The following MGMT variants were observed in gnomAD, a reference collection of about 807,000 sequenced individuals.
The protein encoded by MGMT is methylated-DNA--protein-cysteine methyltransferase.
In MGMT, 14 loss-of-function variants were observed where a neutral mutation model predicts 15.9. The observed-to-expected ratio is 0.88, with a 90% CI of 0.58 to 1.37. The LOEUF (loss-of-function observed/expected upper bound fraction) is 1.37. MGMT is among the 40% of genes most tolerant of loss of function. The pLI, the probability that MGMT is intolerant of heterozygous loss-of-function variation, is 0.00. For missense variants in MGMT, 282 were observed against 268.1 expected, an observed-to-expected ratio of 1.05 and a Z score of -0.36; for synonymous variants, 130 against 118.2, an observed-to-expected ratio of 1.10 and a Z score of -0.65.
chr10:129,549,790 G>A (rs1364527599), intron 2 of MGMT, among the ~76,000 whole-genome samples: 1 of 152,158 alleles, frequency 6.6e-6, no homozygotes, highest in Non-Finnish European at 1.5e-5. Context: ...ATTTTAAAGG[G>A]CGTCTGCTGC....
At chr10:129,629,808 A>C (rs1847190407) in intron 2 of MGMT, among the ~76,000 whole-genome samples, 1 of 152,224 alleles carries the variant, frequency 6.6e-6, no homozygotes, top group Non-Finnish European at 1.5e-5. Context: ...AGGTATGGCA[A>C]GCTGGGTGGA....
At chr10:129,591,110 G>T (rs750940773) in intron 2 of MGMT, among the ~76,000 whole-genome samples, 1 of 152,174 alleles carries the variant, frequency 6.6e-6, no homozygotes, top group Non-Finnish European at 1.5e-5. Flanking sequence ...TCCTGGGGGC[G>T]CAGCGTGGTC....
chr10:129,520,495 C>T (rs1460862187), intron 1 of MGMT, among the ~76,000 whole-genome samples: 1 of 151,842 alleles, frequency 6.6e-6, no homozygotes, highest in African/African-American at 2.4e-5. Context: ...GGTGCAGGTG[C>T]AGAGCCCCTA....
intron 2 of MGMT, among the ~76,000 whole-genome samples, chr10:129,551,423 G>T (rs1323463628): frequency 6.6e-5 from 10 of 152,092 alleles, no homozygotes; most frequent in Non-Finnish European, 1.5e-5. Context: ...GATAGGTGGG[G>T]CAGAGGGAGG....
At chr10:129,695,049 G>A (rs1044093658) in intron 2 of MGMT, among the ~76,000 whole-genome samples, 1 of 152,164 alleles carries the variant, frequency 6.6e-6, no homozygotes, top group African/African-American at 2.4e-5. Context: ...TGTTTTAAGA[G>A]TTTCAATTCA....
At chr10:129,488,391 T>C (rs1389623803) in intron 1 of MGMT, among the ~76,000 whole-genome samples, 1 of 152,230 alleles carries the variant, frequency 6.6e-6, no homozygotes, top group African/African-American at 2.4e-5. Flanking sequence ...ATACCCTTTC[T>C]GCCCATATTT....
intron 3 of MGMT, among the ~76,000 whole-genome samples, chr10:129,749,745 A>C (rs541491341): frequency 6.6e-6 from 1 of 152,304 alleles, no homozygotes; most frequent in East Asian, 1.9e-4. Flanking sequence ...AGCAATGATT[A>C]AGCATCCTTT....
chr10:129,644,259 GGTGA>G lies in MGMT; in HGVS notation c.126-63625_126-63622del, dbSNP rs200089528. ...ACTCTCTAGCAAATCCTAGATGCTT[GGTGA>G]GTGAGTGAGTACATTGAAGTACATT... is the stretch of plus-strand genomic sequence containing the variant. On this transcript the variant is annotated intron_variant, in intron 2 of 4. Coordinates refer to ENST00000651593, the MANE Select transcript of MGMT (RefSeq NM_002412.5). Among the ~76,000 whole-genome samples, 13 of 152,320 alleles carry G rather than the reference GGTGA, an allele frequency of 8.5e-5. No homozygotes were observed. In the East Asian group the frequency reaches 1.4e-3, roughly 16 times the overall value.
rs111676762 is a variant in MGMT, at chr10:129,755,798, C to T, written c.275-3404C>T. Among the ~76,000 whole-genome samples, 1,048 of 152,264 alleles carry T rather than the reference C, an allele frequency of 6.9e-3. 12 individuals are homozygous for T. Among genetic ancestry groups the T allele is most frequent in the African/African-American group, 0.024 (1,012 of 41,550 alleles). On this transcript the variant is annotated intron_variant, in intron 3 of 4. Coordinates refer to ENST00000651593, the MANE Select transcript of MGMT (RefSeq NM_002412.5). ...CACAGGTGTGTTTGCTGAGGTGGCTCGTAGCAGATTATCACCGAGGAGAGA... is the reference window on the plus strand; with the variant it reads ...CACAGGTGTGTTTGCTGAGGTGGCTTGTAGCAGATTATCACCGAGGAGAGA...
At position 129,540,430 on chromosome 10, in the gene MGMT, C is replaced by T. The variant is rs78268164; in HGVS notation, c.125+4053C>T. Reference sequence around the variant, plus strand: ...CTTCAGTAAGTGTGGTGACAACAGACGTCCTTCCCTGTTTCCTGGTTTGGG... The same window carrying T: ...CTTCAGTAAGTGTGGTGACAACAGATGTCCTTCCCTGTTTCCTGGTTTGGG... On this transcript the variant is annotated intron_variant, in intron 2 of 4. Transcript: ENST00000651593. 3.5e-3 allele frequency among the ~76,000 whole-genome samples: 530 copies of T among 152,298 alleles called. 4 individuals carry two copies. Among genetic ancestry groups the T allele is most frequent in the Non-Finnish European group, 5.7e-3 (386 of 68,032 alleles).
At chr10:129,591,656 A>G (rs1846687327) in intron 2 of MGMT, among the ~76,000 whole-genome samples, 1 of 152,170 alleles carries the variant, frequency 6.6e-6, no homozygotes, top group Admixed American at 6.5e-5. Context: ...TGTTGGCCGG[A>G]CGCGGTGGCT....
At chr10:129,654,771 A>G (rs978359968) in intron 2 of MGMT, among the ~76,000 whole-genome samples, 8 of 152,080 alleles carry the variant, frequency 5.3e-5, no homozygotes, top group African/African-American at 1.7e-4. Context: ...CCTCCTGCCC[A>G]TACCTCTACC....
intron 1 of MGMT, among the ~76,000 whole-genome samples, chr10:129,491,530 C>T (rs1346313210): frequency 6.6e-6 from 1 of 152,144 alleles, no homozygotes; most frequent in East Asian, 1.9e-4. Context: ...AAATATTGCT[C>T]TGCCTCATCC....
chr10:129,569,087 G>C (rs1463679396), intron 2 of MGMT, among the ~76,000 whole-genome samples: 2 of 152,198 alleles, frequency 1.3e-5, no homozygotes, highest in Admixed American at 1.3e-4. Flanking sequence ...TCAGACAGCT[G>C]GGCCCACACT....
chr10:129,704,499 C>G (rs543109135), intron 2 of MGMT, among the ~76,000 whole-genome samples: 1 of 152,140 alleles, frequency 6.6e-6, no homozygotes, highest in East Asian at 1.9e-4. Context: ...GGTAAGGCGG[C>G]AGTTTGGAGA....
intron 2 of MGMT, among the ~76,000 whole-genome samples, chr10:129,656,584 G>T (rs1403328577): frequency 6.6e-6 from 1 of 152,164 alleles, no homozygotes; most frequent in African/African-American, 2.4e-5. Flanking sequence ...TCGGGGCACC[G>T]CTTGGTTTTA....
chr10:129,666,566 T>C (rs1847661603), intron 2 of MGMT, among the ~76,000 whole-genome samples: 1 of 152,240 alleles, frequency 6.6e-6, no homozygotes, highest in African/African-American at 2.4e-5. Context: ...ATTACTAATT[T>C]ATTATTTCTG....
chr10:129,515,799 C>T (rs1004225105), intron 1 of MGMT, among the ~76,000 whole-genome samples: 1 of 152,164 alleles, frequency 6.6e-6, no homozygotes, highest in Non-Finnish European at 1.5e-5. Flanking sequence ...AGTAATTACC[C>T]ATGTTGATGA....
intron 2 of MGMT, among the ~76,000 whole-genome samples, chr10:129,610,456 A>C (rs1846946233): frequency 6.6e-6 from 1 of 152,236 alleles, no homozygotes; most frequent in Non-Finnish European, 1.5e-5. Flanking sequence ...TGCCTGGAAC[A>C]CTTGAGCCCC....
Sources: gnomAD v4.1 joint callset for allele counts (sites outside exome capture counted in the v4.1 genomes callset) on GRCh38, gnomAD v4.1.1 for gene constraint, MANE v1.5 for transcripts, NCBI Gene and HGNC (gene_info 2026-07-23, HGNC 2026-07-21) for gene names.